The following SFXN3 variants were observed in gnomAD, a reference collection of about 807,000 sequenced individuals.
SFXN3 encodes the protein sideroflexin-3.
Under a neutral mutation model 40.4 loss-of-function variants are expected in SFXN3, and 31 were observed. The observed-to-expected ratio is 0.77, with a 90% CI of 0.58 to 1.04. SFXN3 has a LOEUF of 1.04. Among genes scored for constraint, SFXN3 ranks in the 50% least tolerant of loss-of-function variants. The probability of loss-of-function intolerance (pLI) is 0.00; values close to 1 mark genes in which losing one functional copy is unlikely to be tolerated. For synonymous variants in SFXN3, 157 were observed against 160.0 expected, an observed-to-expected ratio of 0.98 and a Z score of 0.14; for missense variants, 366 against 408.2, an observed-to-expected ratio of 0.90 and a Z score of 0.89.
chr10:101,037,557 C>T (rs1440679685), intron 9 of SFXN3, 126 bp downstream of exon 9: 22 of 1,588,612 alleles, frequency 1.4e-5, no homozygotes, highest in East Asian at 1.1e-4. Flanking sequence ...ACCCCTGCAC[C>T]GCCTCCTCCA....
At chr10:101,037,805 A>C in intron 9 of SFXN3, 1 of 1,133,136 alleles carries the variant, frequency 8.8e-7, no homozygotes, top group Non-Finnish European at 1.1e-6. Flanking sequence ...CAGGACACGA[A>C]AGCAAAGCAC....
rs764847717 is a variant in SFXN3 at position 101,036,016 on chromosome 10, G to A, written c.346G>A (p.Val116Met). 22 of 1,613,930 alleles carry A rather than the reference G, an allele frequency of 1.4e-5. No individual in the cohort carries two copies. The African/African-American group carries it at 1.5e-4, about 11-fold the overall frequency. Reference sequence around the variant, plus strand: ...TTGTTCCCTCAGGAAGACCCCAACCGTGGTGTTCTGGCAGTGGGTGAATCA... The same window carrying A: ...TTGTTCCCTCAGGAAGACCCCAACCATGGTGTTCTGGCAGTGGGTGAATCA... Residue 116 changes from valine (V) to methionine (M), a missense_variant, in exon 5 of 12, where the codon GTG becomes ATG. Coordinates refer to ENST00000393459, the Ensembl canonical transcript of SFXN3. The surrounding 1 kb of genome is among the most constrained non-coding windows in gnomAD (Gnocchi z 4.2).
At chr10:101,032,338 G>C in exon 2 of SFXN3, 5 of 1,072,768 alleles carry the variant, frequency 4.7e-6, no homozygotes, top group Non-Finnish European at 6.4e-6. Context: ...CGTGCCCACC[G>C]GGTGGGCGCG....
chr10:101,036,207 A>T lies in SFXN3; in HGVS notation c.431+106A>T. ...CCGGTTCCCTGTGGACCATGCAGCC[A>T]GTGCTCAGCGCCCTCTCCTCAGCCT... is the stretch of plus-strand genomic sequence containing the variant. On this transcript the variant is annotated intron_variant, in intron 5 of 11. Transcript: ENST00000393459. This position sits in a 1 kb window ranked among gnomAD's most constrained non-coding sequence, Gnocchi z 4.2. 1 of 984,092 alleles carries T rather than the reference A, an allele frequency of 1.0e-6. No homozygotes were observed. Among genetic ancestry groups the T allele is most frequent in the Non-Finnish European group, 1.6e-6 (1 of 635,996 alleles). The allele number at this position is 984,092 out of a possible 1,614,324, so 61.0% of individuals were successfully genotyped here. A position where few individuals can be genotyped will look rare whatever the true frequency, so the allele number is the denominator to read the frequency against.
At chr10:101,033,793 A>G (rs1042623072) in intron 2 of SFXN3, among the ~76,000 whole-genome samples, 1 of 152,124 alleles carries the variant, frequency 6.6e-6, no homozygotes, top group Non-Finnish European at 1.5e-5. Context: ...TCAGCAAAAA[A>G]CATGTGAGCA....
rs756284767 is a variant in SFXN3, at chr10:101,038,651, C to G, written c.780C>G (p.Pro260=). 17 of 1,613,632 alleles carry G rather than the reference C, an allele frequency of 1.1e-5. No individual in the cohort carries two copies. In the East Asian group the frequency reaches 2.9e-4, roughly 27 times the overall value. ...TTTCTGTCTCTCCACAGCGCCGCCC[C>G]TGGCTGGGGGCACCCCTGCAGGTGG... The change falls in exon 10 of 12, where the codon CCC becomes CCG. Residue 260 remains proline, a synonymous_variant. Transcript: ENST00000393459.
At chr10:101,038,457 G>C (rs965900843) in intron 9 of SFXN3, 186 bp from the exon 10 acceptor site, 1 of 1,464,904 alleles carries the variant, frequency 6.8e-7, no homozygotes, top group African/African-American at 1.4e-5. Context: ...CAGCAGACAG[G>C]CCTGGCTGGA....
chr10:101,037,530 T>C, intron 9 of SFXN3, 99 bp downstream of exon 9: 2 of 1,610,330 alleles, frequency 1.2e-6, no homozygotes, highest in Non-Finnish European at 1.7e-6. Context: ...CTCTAAGACT[T>C]GCCAGCCCTT....
rs1011433566 is a variant in SFXN3, at chr10:101,039,427, C to T, written c.870-62C>T. 68 of 1,492,646 alleles carry T rather than the reference C, an allele frequency of 4.6e-5. No homozygotes were observed. Among genetic ancestry groups the T allele is most frequent in the Non-Finnish European group, 5.8e-5 (62 of 1,070,216 alleles). The allele number at this position is 1,492,646 out of a possible 1,614,324, so 92.5% of individuals were successfully genotyped here. A position where few individuals can be genotyped will look rare whatever the true frequency, so the allele number is the denominator to read the frequency against. On this transcript the variant is annotated intron_variant, in intron 11 of 11. Transcript: ENST00000393459. The surrounding 1 kb of genome is among the most constrained non-coding windows in gnomAD (Gnocchi z 4.6). ...GCCTGGGAGGAGGTGGGATGGCAATCCCTGGGCCTGAGTGGGGTTGGATTC... is the reference window on the plus strand; with the variant it reads ...GCCTGGGAGGAGGTGGGATGGCAATTCCTGGGCCTGAGTGGGGTTGGATTC...
chr10:101,037,487 A>G, intron 9 of SFXN3, 56 bp downstream of exon 9: 1 of 1,613,882 alleles, frequency 6.2e-7, no homozygotes, highest in South Asian at 1.1e-5. Context: ...AGAAGTGACC[A>G]GGCCCCAACT....
At chr10:101,031,421 C>G (rs987394469) in exon 1 of SFXN3, 3 of 152,440 alleles carry the variant, frequency 2.0e-5, no homozygotes, top group African/African-American at 7.2e-5. Context: ...TACCGGGGCT[C>G]CTGGAATTGC....
intron 9 of SFXN3, chr10:101,038,315 G>A (rs985460433): frequency 1.6e-6 from 2 of 1,276,846 alleles, no homozygotes; most frequent in Admixed American, 3.3e-5. Context: ...GAAGAGGTAA[G>A]TGGAGGTTCA....
rs563543522 is a variant in SFXN3 at position 101,038,491 on chromosome 10, C to T, written c.772-152C>T. ...GAGTGGAAGGGCGTGATCTGGAGGT[C>T]CCAGCCCTGTCATTGCCTTGGGAGA... On this transcript the variant is annotated intron_variant, in intron 9 of 11. Coordinates refer to ENST00000393459, the Ensembl canonical transcript of SFXN3. 9 of 1,504,836 alleles carry T rather than the reference C, an allele frequency of 6.0e-6. No individual in the cohort carries two copies. In the Admixed American group the frequency reaches 6.0e-5, roughly 10 times the overall value. 93.2% of individuals were successfully genotyped at this position (1,504,836 alleles called of 1,614,324 possible). A position where few individuals can be genotyped will look rare whatever the true frequency, so the allele number is the denominator to read the frequency against.
intron 2 of SFXN3, among the ~76,000 whole-genome samples, chr10:101,034,220 A>G (rs902745400): frequency 6.6e-6 from 1 of 152,200 alleles, no homozygotes; most frequent in Admixed American, 6.5e-5. Flanking sequence ...CAAGGGCAGA[A>G]GTCCCTGTGG....
chr10:101,037,114 G>T (rs756516173), exon 8 of SFXN3: 3 of 1,614,044 alleles, frequency 1.9e-6, no homozygotes, highest in South Asian at 2.2e-5. Context: ...GATGAGGCAG[G>T]TCAGAGGCTT....
chr10:101,032,386 A>C (rs1049286669), exon 2 of SFXN3: 99 of 1,328,402 alleles, frequency 7.5e-5, no homozygotes, highest in Non-Finnish European at 8.2e-5. Flanking sequence ...GGTCGGCGTC[A>C]CGCGTGACGT....
rs773848472 is a variant in SFXN3, at chr10:101,039,493, A to G, written c.874A>G (p.Ile292Val). The G allele has an allele frequency of 3.7e-6, 6 of 1,614,072 alleles. No homozygotes were observed. The East Asian group carries it at 1.1e-4, about 30-fold the overall frequency. ...GCCTGTGCTGTTCTATTGCAGCTCC[A>G]TACACATAAGCAACCTGGAACCAGA... The change falls in exon 12 of 12, where the codon ATA becomes GTA. Residue 292 changes from isoleucine to valine, a missense_variant. Ile to Val is a conservative substitution (Grantham distance 29, BLOSUM62 3). Transcript: ENST00000393459. This position sits in a 1 kb window ranked among gnomAD's most constrained non-coding sequence, Gnocchi z 4.6.
At chr10:101,032,218 T>A in intron 1 of SFXN3, 96 bp from the exon 2 acceptor site, 1 of 466,388 alleles carries the variant, frequency 2.1e-6, no homozygotes, top group Non-Finnish European at 3.9e-6. Context: ...CCAGAACTGA[T>A]CCCCGAGGTG....
intron 9 of SFXN3, 107 bp downstream of exon 9, chr10:101,037,538 C>T (rs1938681584): frequency 6.2e-7 from 1 of 1,607,816 alleles, no homozygotes; most frequent in Non-Finnish European, 8.5e-7. Flanking sequence ...CTTGCCAGCC[C>T]TTCTCCTGAC....
Sources: allele counts gnomAD v4.1 joint callset (sites outside exome capture counted in the v4.1 genomes callset), GRCh38; gene constraint gnomAD v4.1.1; non-coding constraint Gnocchi (gnomAD v3.1); transcripts MANE v1.5; gene names NCBI Gene and HGNC (gene_info 2026-07-23, HGNC 2026-07-21).